RHBDF1: variants seen among roughly 807,000 people sequenced by gnomAD.
RHBDF1 encodes inactive rhomboid protein 1.
RHBDF1 carries 80 observed loss-of-function variants against 98.6 expected under a neutral mutation model. The ratio of observed to expected loss-of-function variants is 0.81; its 90% confidence interval spans 0.68 to 0.98. RHBDF1 has a LOEUF of 0.98. Among genes scored for constraint, RHBDF1 ranks in the 50% least tolerant of loss-of-function variants. The pLI is 0.00. For missense variants in RHBDF1, 1,116 were observed against 1,198.3 expected (o/e 0.93, Z 1.01); for synonymous variants, 512 against 486.8 (o/e 1.05, Z -0.68).
At chr16:72,660 C>CG (rs1898010304), upstream of RHBDF1, 1 of 979,768 alleles carries the variant, frequency 1.0e-6, no homozygotes, top group Non-Finnish European at 1.2e-6. Context: ...CGCCCGGGGG[C>CG]GGGCCCGGCC....
intron 11 of RHBDF1, chr16:60,917 A>G (rs892924827): frequency 4.6e-5 from 28 of 613,746 alleles, no homozygotes; most frequent in African/African-American, 3.7e-4. Flanking sequence ...CAAAAGACCA[A>G]ATCAGATGAT....
chr16:72,598 C>CGCCCGCCCGCCGGTCGG lies in RHBDF1; in HGVS notation c.-111_-110insCCGACCGGCGGGCGGGC. The CGCCCGCCCGCCGGTCGG allele has an allele frequency of 1.0e-6, 1 of 976,286 alleles. No homozygotes were observed. Among genetic ancestry groups the CGCCCGCCCGCCGGTCGG allele is most frequent in the Non-Finnish European group, 1.2e-6 (1 of 824,220 alleles). 60.5% of individuals were successfully genotyped at this position (976,286 alleles called of 1,614,324 possible). On this transcript the variant is annotated 5_prime_UTR_variant, in exon 1 of 18. Coordinates refer to ENST00000262316, the MANE Select transcript of RHBDF1 (RefSeq NM_022450.5). ...GCCGGGAGGGCCCGCGCCGAGTCCC[C>CGCCCGCCCGCCGGTCGG]GCCCGCCCGCCGGTCCGGCCCGCCC...
At chr16:65,982 C>T (rs923520503) in intron 1 of RHBDF1, among the ~76,000 whole-genome samples, 1 of 152,244 alleles carries the variant, frequency 6.6e-6, no homozygotes, top group African/African-American at 2.4e-5. Context: ...AGCAGATAGG[C>T]CAGGGTTCGA....
chr16:63,555 G>A (rs372217394), intron 4 of RHBDF1, 32 bp downstream of exon 4: 1 of 1,494,120 alleles, frequency 6.7e-7, no homozygotes, highest in African/African-American at 1.4e-5. Flanking sequence ...CGGAAGGAGG[G>A]GCCTGCAGGA....
At position 63,605 on chromosome 16, in the gene RHBDF1, G is replaced by C. The variant is rs542868260; in HGVS notation, c.444C>G (p.Cys148Trp). 5.1e-6 allele frequency: 8 copies of C among 1,563,822 alleles called. No homozygotes were observed. The East Asian group carries it at 9.0e-5, about 18-fold the overall frequency. ...ETPPPLYVGP[C>W]QLGMQKIIDP... ...GGCATACCTTCTGCATGCCCAGCTG[G>C]CATGGCCCCACGTAGAGTGGGGGTG... Residue 148 changes from cysteine to tryptophan, a missense_variant, in exon 4 of 18, where the codon TGC (cysteine) becomes TGG (tryptophan). Coordinates refer to ENST00000262316, the MANE Select transcript of RHBDF1 (RefSeq NM_022450.5).
At chr16:58,868 G>T in intron 17 of RHBDF1, 106 bp downstream of exon 17, 1 of 1,552,570 alleles carries the variant, frequency 6.4e-7, no homozygotes, top group South Asian at 1.2e-5. Flanking sequence ...TATTGGGACC[G>T]AGGATCCAAC....
Position 61,108 on chromosome 16 carries a change from G to A in RHBDF1, c.1557+12C>T, listed in dbSNP as rs958531996. 5 of 1,519,684 alleles carry A rather than the reference G, an allele frequency of 3.3e-6. No individual in the cohort carries two copies. Among genetic ancestry groups the A allele is most frequent in the African/African-American group, 2.8e-5 (2 of 72,642 alleles). 94.1% of individuals were successfully genotyped at this position (1,519,684 alleles called of 1,614,324 possible). On this transcript the variant is annotated intron_variant, in intron 11 of 17. Coordinates refer to ENST00000262316, the MANE Select transcript of RHBDF1 (RefSeq NM_022450.5). The stretch of plus-strand genomic sequence containing the variant: ...GCAGACGAAGGCGGGAGTCCCGGGC[G>A]GGGAAACGCACCGAGCACTCCTCCT...
At chr16:68,811 C>G (rs10751767) in intron 1 of RHBDF1, among the ~76,000 whole-genome samples, 98,322 of 152,116 alleles carry the variant, frequency 0.65, 36,344 homozygotes, top group Non-Finnish European at 0.83. Context: ...CCTGTTAACT[C>G]AGGTTTCTGC....
chr16:68,711 A>G (rs1378741624), intron 1 of RHBDF1, among the ~76,000 whole-genome samples: 2 of 152,218 alleles, frequency 1.3e-5, no homozygotes, highest in African/African-American at 4.8e-5. Flanking sequence ...AGGAGGGTCA[A>G]GGGAGCCACT....
In RHBDF1 at chr16:58,450, C is replaced by A; in HGVS notation, c.2458G>T (p.Val820Phe). 1 of 1,614,078 alleles carries A rather than the reference C, an allele frequency of 6.2e-7. No individual in the cohort carries two copies. Among genetic ancestry groups the A allele is most frequent in the Non-Finnish European group, 8.5e-7 (1 of 1,180,042 alleles). Residue 820 changes from valine to phenylalanine, a missense_variant, in exon 18 of 18, where the codon GTC (valine) becomes TTC (phenylalanine). Physicochemically the swap from Val to Phe is conservative, Grantham distance 50. Coordinates refer to ENST00000262316, the MANE Select transcript of RHBDF1 (RefSeq NM_022450.5). ...CGGACAGGATAGACGTAGAAGAGGA[C>A]CACCAGGCCAGCCAGGAGGCCCAGG... ...VFLGLLAGLVVLFYVYPVRCE... is the reference protein window; with the variant it reads ...VFLGLLAGLVFLFYVYPVRCE...
chr16:73,806 C>G (rs1898036880), upstream of RHBDF1: 1 of 298,160 alleles, frequency 3.4e-6, no homozygotes, highest in Non-Finnish European at 5.0e-6. Context: ...TGGGTGGCAC[C>G]AGCCCTCTCC....
chr16:73,266 C>T (rs1301215213), upstream of RHBDF1, among the ~76,000 whole-genome samples: 1 of 152,130 alleles, frequency 6.6e-6, no homozygotes, highest in East Asian at 1.9e-4. Flanking sequence ...ACACTCAGTT[C>T]AGGACCACAG....
intron 13 of RHBDF1, 45 bp downstream of exon 13, chr16:60,171 A>C (rs1298955481): frequency 6.2e-7 from 1 of 1,613,378 alleles, no homozygotes; most frequent in Non-Finnish European, 8.5e-7. Context: ...ATTCTCTCCC[A>C]CATGACACGG....
At chr16:63,472 CT>C in intron 4 of RHBDF1, 114 bp downstream of exon 4, 1 of 950,948 alleles carries the variant, frequency 1.1e-6, no homozygotes. Flanking sequence ...TCTGACTGCC[CT>C]TCCAGACTGT....
chr16:61,103 C>T lies in RHBDF1; in HGVS notation c.1557+17G>A, dbSNP rs964797139. 2.6e-6 allele frequency: 4 copies of T among 1,518,748 alleles called. No homozygotes were observed. The highest frequency in any genetic ancestry group is 1.2e-5 in the South Asian group (1 of 83,268). 94.1% of individuals were successfully genotyped at this position (1,518,748 alleles called of 1,614,324 possible). ...ACCGGGCAGACGAAGGCGGGAGTCCCGGGCGGGGAAACGCACCGAGCACTC... is the reference window on the plus strand; with the variant it reads ...ACCGGGCAGACGAAGGCGGGAGTCCTGGGCGGGGAAACGCACCGAGCACTC... On this transcript the variant is annotated intron_variant, in intron 11 of 17. Transcript: ENST00000262316.
chr16:59,321 A>G lies in RHBDF1; in HGVS notation c.1922T>C (p.Leu641Pro). Residue 641 changes from leucine (L) to proline (P), a missense_variant, in exon 16 of 18, where the codon CTC becomes CCC. Coordinates refer to ENST00000262316, the MANE Select transcript of RHBDF1 (RefSeq NM_022450.5). ...QVHCMDDVCG[L>P]LPFLNPEVPD... ...CACCTCGGGGTTGAGAAAAGGCAGG[A>G]GCCCACACACATCATCCATGCAGTG... 1 of 1,612,360 alleles carries G rather than the reference A, an allele frequency of 6.2e-7. No individual in the cohort carries two copies. Among genetic ancestry groups the G allele is most frequent in the South Asian group, 1.1e-5 (1 of 90,856 alleles).
chr16:76,015 C>A (rs1203336526), upstream of RHBDF1, among the ~76,000 whole-genome samples: 1 of 152,156 alleles, frequency 6.6e-6, no homozygotes, highest in African/African-American at 2.4e-5. Context: ...CGACTGATGG[C>A]CACACCTCCT....
In RHBDF1 at chr16:58,983, G is replaced by T; in HGVS notation, c.2139C>A (p.Tyr713Ter). 1 of 1,613,088 alleles carries T rather than the reference G, an allele frequency of 6.2e-7. No individual in the cohort carries two copies. Residue 713 changes from tyrosine (Y) to a stop codon, truncating the protein, a stop_gained, in exon 17 of 18, where the codon TAC (tyrosine) becomes TAA (stop). Transcript: ENST00000262316. LOFTEE classifies it high-confidence loss of function. ...TGAGGGCCAGCCTTACCTCTGCTCG[G>T]TATGGCAGGAAGATGGCACTGGCCA... The part of the protein sequence containing the change: ...GNLASAIFLP[Y>*]RAEVGPAGSQ...
At position 61,137 on chromosome 16, in the gene RHBDF1, AG is replaced by A; in HGVS notation, c.1539del (p.Ser514ArgfsTer13). 2 of 1,534,210 alleles carry A rather than the reference AG, an allele frequency of 1.3e-6. No homozygotes were observed. Among genetic ancestry groups the A allele is most frequent in the Non-Finnish European group, 1.8e-6 (2 of 1,142,768 alleles). On this transcript the variant is annotated frameshift_variant, in exon 11 of 18. Transcript: ENST00000262316. LOFTEE classifies it high-confidence loss of function. ...VRNDRSGCVQ[T>X]SEEECSSTLA... ...AAACGCACCGAGCACTCCTCCTCCG[AG>A]GTCTGCACGCAGCCCGACCTGTCGT... is the stretch of plus-strand genomic sequence containing the variant.
Sources: gnomAD v4.1 joint callset for allele counts (sites outside exome capture counted in the v4.1 genomes callset) on GRCh38, gnomAD v4.1.1 for gene constraint, MANE v1.5 for transcripts, NCBI Gene and HGNC (gene_info 2026-07-23, HGNC 2026-07-21) for gene names.